The following MCM3AP variants were observed in gnomAD, a reference collection of about 807,000 sequenced individuals.
MCM3AP encodes germinal-center associated nuclear protein.
MCM3AP carries 126 observed loss-of-function variants against 184.1 expected under a neutral mutation model. That is an observed-to-expected ratio of 0.68 (90% CI 0.59 to 0.79). The LOEUF (loss-of-function observed/expected upper bound fraction) is 0.79. Among genes scored for constraint, MCM3AP ranks in the 30% least tolerant of loss-of-function variants. The probability of loss-of-function intolerance (pLI) is 0.00; values close to 1 mark genes in which losing one functional copy is unlikely to be tolerated. For synonymous variants in MCM3AP, 1,002 were observed against 979.3 expected, an observed-to-expected ratio of 1.02 and a Z score of -0.43; for missense variants, 2,496 against 2,479.2, an observed-to-expected ratio of 1.01 and a Z score of -0.14.
At chr21:46,275,131 G>T (rs1305326430) in intron 6 of MCM3AP, 55 bp downstream of exon 6, 5 of 1,548,102 alleles carry the variant, frequency 3.2e-6, no homozygotes, top group Admixed American at 2.1e-5. Context: ...GTACAGAAAT[G>T]ACAAAAGCAG....
chr21:46,267,614 G>GGT (rs1436048194), intron 9 of MCM3AP: 1 of 154,966 alleles, frequency 6.5e-6, no homozygotes, highest in East Asian at 1.9e-4. Context: ...ACAGAGACCA[G>GGT]GTGCAGTAGC....
intron 10 of MCM3AP, 163 bp downstream of exon 10, chr21:46,266,819 T>G (rs2081118153): frequency 1.4e-6 from 1 of 727,356 alleles, no homozygotes; most frequent in Non-Finnish European, 2.2e-6. Context: ...GGATGTGACC[T>G]TGGGAACACC....
intron 23 of MCM3AP, among the ~76,000 whole-genome samples, chr21:46,244,149 C>G (rs1009317630): frequency 4.6e-5 from 7 of 152,220 alleles, no homozygotes; most frequent in African/African-American, 1.7e-4. Context: ...GACCACACAC[C>G]ACAATTTAGA....
At chr21:46,260,948 AT>A (rs749703961) in intron 14 of MCM3AP, 42 bp from the exon 15 acceptor site, 1 of 1,458,498 alleles carries the variant, frequency 6.9e-7, no homozygotes, top group South Asian at 1.1e-5. Flanking sequence ...ATGTTTAAGA[AT>A]AAAAATAAGT....
At chr21:46,266,880 CCTT>C (rs1443951876) in intron 10 of MCM3AP, 99 bp downstream of exon 10, 6 of 1,300,920 alleles carry the variant, frequency 4.6e-6, no homozygotes, top group Middle Eastern at 2.1e-4. Context: ...AGGGAATGCA[CCTT>C]CTTCAAGTCA....
At chr21:46,274,663 T>C (rs1026431985) in intron 6 of MCM3AP, among the ~76,000 whole-genome samples, 16 of 152,012 alleles carry the variant, frequency 1.1e-4, no homozygotes, top group African/African-American at 3.9e-4. Context: ...TAGCTGGATG[T>C]GGTGGCTCAC....
intron 27 of MCM3AP, 170 bp from the exon 28 acceptor site, chr21:46,235,596 C>T (rs1316296839): frequency 2.3e-5 from 14 of 608,210 alleles, no homozygotes; most frequent in African/African-American, 3.7e-5. Context: ...TCATTTAGCT[C>T]GTACATTCAG....
Position 46,284,750 on chromosome 21 carries a change from G to A in MCM3AP, c.537C>T (p.Ser179=), listed in dbSNP as rs1438701198. Residue 179 remains serine, a synonymous_variant, in exon 1 of 28, where the codon TCC becomes TCT. Transcript: ENST00000291688. ...SQIASGFFTF[S]HPISSAPGGL... is the part of the protein sequence containing the mutation. ...CTCCAGGTGCACTACTAATTGGGTG[G>A]GAAAATGTAAAAAACCCAGAAGCAA... 6.2e-7 allele frequency: 1 copy of A among 1,613,784 alleles called. No individual in the cohort carries two copies. Among genetic ancestry groups the A allele is most frequent in the Non-Finnish European group, 8.5e-7 (1 of 1,179,976 alleles).
intron 17 of MCM3AP, chr21:46,256,522 A>G (rs2080951776): frequency 1.9e-6 from 1 of 513,880 alleles, no homozygotes; most frequent in Admixed American, 3.4e-5. Flanking sequence ...CACGTGATGC[A>G]GAGTCAGACT....
rs375290470 is a variant in MCM3AP at position 46,259,016 on chromosome 21, C to T, written c.3657G>A (p.Leu1219=). 2.5e-5 allele frequency: 41 copies of T among 1,613,978 alleles called. No homozygotes were observed. The Middle Eastern group carries it at 8.2e-4, about 32-fold the overall frequency. Residue 1219 remains leucine, a synonymous_variant, in exon 16 of 28, where the codon TTG becomes TTA. Transcript: ENST00000291688. ...TCTGGAAGATTTCCTCCACGAGAAA[C>T]AAGTCCACTAAGTGGGCACAGACAT... ...CEDVCAHLVD[L]FLVEEIFQTA...
intron 4 of MCM3AP, 135 bp downstream of exon 4, chr21:46,279,858 C>T: frequency 1.2e-6 from 1 of 826,828 alleles, no homozygotes; most frequent in East Asian, 3.0e-5. Flanking sequence ...TGCCCCTCCA[C>T]CCCCAACCAT....
chr21:46,282,287 T>C (rs1415274690), intron 2 of MCM3AP, among the ~76,000 whole-genome samples: 1 of 152,148 alleles, frequency 6.6e-6, no homozygotes, highest in Non-Finnish European at 1.5e-5. Flanking sequence ...CCAATGAACA[T>C]TATTCACAAT....
intron 16 of MCM3AP, 91 bp downstream of exon 16, chr21:46,258,848 A>T: frequency 7.1e-7 from 1 of 1,402,432 alleles, no homozygotes; most frequent in Non-Finnish European, 1.0e-6. Context: ...TTTACCACTG[A>T]ATACAGAAAC....
intron 26 of MCM3AP, among the ~76,000 whole-genome samples, chr21:46,239,668 T>C (rs17183339): frequency 2.1e-3 from 326 of 152,250 alleles, no homozygotes; most frequent in Non-Finnish European, 3.5e-3. Context: ...CATGTTCAAG[T>C]GTGGAGTTCA....
At chr21:46,281,562 C>A (rs983709424) in intron 2 of MCM3AP, among the ~76,000 whole-genome samples, 1 of 152,154 alleles carries the variant, frequency 6.6e-6, no homozygotes, top group African/African-American at 2.4e-5. Context: ...TGGCTCATGC[C>A]CGTTATCCTA....
At chr21:46,272,981 A>C in intron 7 of MCM3AP, 152 bp from the exon 8 acceptor site, 1 of 783,702 alleles carries the variant, frequency 1.3e-6, no homozygotes, top group Non-Finnish European at 1.9e-6. Context: ...TGACTTAAAT[A>C]AAAGTCCTGG....
In MCM3AP at chr21:46,284,786, G is replaced by C; in HGVS notation, c.501C>G (p.Thr167=). The change falls in exon 1 of 28, where the codon ACC becomes ACG. Residue 167 remains threonine (T), a synonymous_variant. Coordinates refer to ENST00000291688, the MANE Select transcript of MCM3AP (RefSeq NM_003906.5). ...AAAACCCAGAAGCAATTTGGCTCTG[G>C]GTTTTCTCTGGCTCAGATTCAGCCC... The part of the protein sequence containing the change: ...ILGAESEPEK[T]QSQIASGFFT... 7 of 1,613,664 alleles carry C rather than the reference G, an allele frequency of 4.3e-6. No homozygotes were observed. The highest frequency in any genetic ancestry group is 5.9e-6 in the Non-Finnish European group (7 of 1,179,890).
rs775884423 is a variant in MCM3AP, at chr21:46,265,992, C to G, written c.2964G>C (p.Lys988Asn). The G allele has an allele frequency of 6.2e-7, 1 of 1,607,944 alleles. No homozygotes were observed. Among genetic ancestry groups the G allele is most frequent in the African/African-American group, 1.3e-5 (1 of 75,034 alleles). The change falls in exon 11 of 28, where the codon AAG (lysine) becomes AAC (asparagine). Residue 988 changes from lysine (K) to asparagine (N), a missense_variant. This residue lies in a region of MCM3AP where 1,323 missense variants were observed against 1,273.4 expected (regional missense o/e 1.04). Transcript: ENST00000291688. ...TPVCSFNSQN[K>N]YIGESLAAEL... is the part of the protein sequence containing the mutation. The stretch of plus-strand genomic sequence containing the variant: ...CCGCGGCCAGGCTCTCCCCGATGTA[C>G]TTGTTCTGGGAGTTGAAGCTGCACA...
In MCM3AP at chr21:46,236,948, C is replaced by A; in HGVS notation, c.5665G>T (p.Glu1889Ter). Residue 1889 changes from glutamate (E) to a stop codon, truncating the protein, a stop_gained, in exon 27 of 28, where the codon GAA (glutamate) becomes TAA (stop). Transcript: ENST00000291688. LOFTEE classifies it high-confidence loss of function. Reference sequence around the variant, plus strand: ...AAATCCGTAAATGCTCCTGAGTCTTCAGACAACCATTGCTGAAGCTGATCT... The same window carrying A: ...AAATCCGTAAATGCTCCTGAGTCTTAAGACAACCATTGCTGAAGCTGATCT... ...FEDQLQQWLS[E>*]DSGAFTDLTS... 1 of 1,559,998 alleles carries A rather than the reference C, an allele frequency of 6.4e-7. No homozygotes were observed. Among genetic ancestry groups the A allele is most frequent in the Non-Finnish European group, 8.6e-7 (1 of 1,160,976 alleles).
Sources: allele counts gnomAD v4.1 joint callset (sites outside exome capture counted in the v4.1 genomes callset), GRCh38; gene constraint gnomAD v4.1.1; regional missense constraint gnomAD v4.1.1; transcripts MANE v1.5; gene names NCBI Gene and HGNC (gene_info 2026-07-23, HGNC 2026-07-21).